IL1RAP: variants seen among roughly 807,000 people sequenced by gnomAD.
The protein encoded by IL1RAP is interleukin-1 receptor accessory protein.
A neutral mutation model predicts 60.7 loss-of-function variants in IL1RAP; 35 were observed. That is an observed-to-expected ratio of 0.58 (90% CI 0.44 to 0.76). The LOEUF (loss-of-function observed/expected upper bound fraction) is 0.76, where lower values mean the gene tolerates loss of function less well. Ranked by LOEUF, IL1RAP falls within the 30% of genes least tolerant of loss-of-function variation. The pLI, the probability that IL1RAP is intolerant of heterozygous loss-of-function variation, is 0.00. For missense variants in IL1RAP, 572 were observed against 693.9 expected, an observed-to-expected ratio of 0.82 and a Z score of 1.97; for synonymous variants, 268 against 250.9, an observed-to-expected ratio of 1.07 and a Z score of -0.64.
At chr3:190,521,081 A>G (rs928044650) in intron 1 of IL1RAP, among the ~76,000 whole-genome samples, 7 of 152,184 alleles carry the variant, frequency 4.6e-5, no homozygotes, top group Non-Finnish European at 7.4e-5. Context: ...GTAAGTGTCA[A>G]TCATATGCCA....
Position 190,648,748 on chromosome 3 carries a change from GAAGA to G in IL1RAP, c.*48_*51del, listed in dbSNP as rs1734217907. The G allele has an allele frequency of 7.1e-6, 11 of 1,554,452 alleles. No homozygotes were observed. The highest frequency in any genetic ancestry group is 9.5e-6 in the Non-Finnish European group (11 of 1,154,184). On this transcript the variant is annotated 3_prime_UTR_variant, in exon 12 of 12. Coordinates refer to ENST00000447382, the MANE Select transcript of IL1RAP (RefSeq NM_002182.4). Reference sequence around the variant, plus strand: ...GTAAAAAGAACAAGGGGTGCTCCAGGAAGAAAGAGTCCCCCCAGTCTTCATTCGC... The same window carrying G: ...GTAAAAAGAACAAGGGGTGCTCCAGGAAGAGTCCCCCCAGTCTTCATTCGC...
intron 1 of IL1RAP, among the ~76,000 whole-genome samples, chr3:190,528,657 CA>C (rs773776842): frequency 8.5e-5 from 13 of 152,126 alleles, no homozygotes; most frequent in Non-Finnish European, 1.5e-4. Context: ...AAAACATACA[CA>C]GGGGTTTATA....
chr3:190,516,490 A>G (rs1042092627), intron 1 of IL1RAP, among the ~76,000 whole-genome samples: 3 of 152,258 alleles, frequency 2.0e-5, no homozygotes, highest in Non-Finnish European at 4.4e-5. Context: ...ACTTGTTACC[A>G]AAACCATATA....
At chr3:190,656,489 C>T (rs1257657739), downstream of IL1RAP, 3 of 1,537,238 alleles carry the variant, frequency 2.0e-6, no homozygotes, top group South Asian at 3.6e-5. Flanking sequence ...CCCCAAGAGT[C>T]AGAAACTCAA....
chr3:190,560,075 A>G (rs996759342), intron 2 of IL1RAP, among the ~76,000 whole-genome samples: 3 of 152,252 alleles, frequency 2.0e-5, no homozygotes, highest in Non-Finnish European at 4.4e-5. Context: ...CTCATGTCTT[A>G]CTAAATGCTA....
chr3:190,539,530 C>A (rs1723753244), intron 1 of IL1RAP, among the ~76,000 whole-genome samples: 2 of 151,996 alleles, frequency 1.3e-5, no homozygotes, highest in South Asian at 4.1e-4. Context: ...CTCCTCTCAT[C>A]TGTACATATT....
intron 9 of IL1RAP, among the ~76,000 whole-genome samples, chr3:190,632,414 G>A (rs956952418): frequency 3.3e-5 from 5 of 152,104 alleles, no homozygotes; most frequent in Non-Finnish European, 5.9e-5. Context: ...TGAAGTATCT[G>A]TTAAAATGTT....
rs1488716866 is a variant in IL1RAP, at chr3:190,649,474, A to T, written c.*769A>T. 1.0e-6 allele frequency: 1 copy of T among 985,654 alleles called. No individual in the cohort carries two copies. Among genetic ancestry groups the T allele is most frequent in the Non-Finnish European group, 1.2e-6 (1 of 829,878 alleles). The allele number at this position is 985,654 out of a possible 1,614,324, so 61.1% of individuals were successfully genotyped here. On this transcript the variant is annotated 3_prime_UTR_variant, in exon 12 of 12. Coordinates refer to ENST00000447382, the MANE Select transcript of IL1RAP (RefSeq NM_002182.4). ...ATCGCATTGCTCATTTAGAGTTTGC[A>T]GGAGGCTCCATACTAGGTTCAGTCT...
rs201706120 is a variant in IL1RAP at position 190,648,379 on chromosome 3, C to T, written c.1387C>T (p.Arg463Cys). 68 of 1,603,514 alleles carry T rather than the reference C, an allele frequency of 4.2e-5. No individual in the cohort carries two copies. Among genetic ancestry groups the T allele is most frequent in the Middle Eastern group, 3.5e-4 (2 of 5,734 alleles). Residue 463 changes from arginine (R) to cysteine (C), a missense_variant, in exon 12 of 12, where the codon CGC becomes TGC. Coordinates refer to ENST00000447382, the MANE Select transcript of IL1RAP (RefSeq NM_002182.4). ...ETLSFIQKSRRLLVVLSPNYV... is the reference protein window; with the variant it reads ...ETLSFIQKSRCLLVVLSPNYV... ...TTTGAGCTTCATTCAGAAAAGCAGA[C>T]GCCTCCTGGTTGTTCTAAGCCCCAA...
chr3:190,629,286 C>A, intron 8 of IL1RAP, 64 bp from the exon 9 acceptor site: 1 of 1,237,258 alleles, frequency 8.1e-7, no homozygotes, highest in Non-Finnish European at 1.1e-6. Flanking sequence ...TTGTCTGATT[C>A]CTACACAGTC....
rs540528043 is a variant in IL1RAP, at chr3:190,630,715, A to G, written c.1051+1217A>G. 4.6e-5 allele frequency among the ~76,000 whole-genome samples: 7 copies of G among 152,330 alleles called. No individual in the cohort carries two copies. The South Asian group carries it at 1.4e-3, about 32-fold the overall frequency. ...TACATGATGTAAGGCAGTTTCCCAA[A>G]TTGAGTTCTCGGGAACACTACTAAG... is the stretch of plus-strand genomic sequence containing the variant. On this transcript the variant is annotated intron_variant, in intron 9 of 11. Coordinates refer to ENST00000447382, the MANE Select transcript of IL1RAP (RefSeq NM_002182.4).
At chr3:190,646,409 C>T (rs1379125973) in intron 11 of IL1RAP, among the ~76,000 whole-genome samples, 1 of 152,000 alleles carries the variant, frequency 6.6e-6, no homozygotes, top group Non-Finnish European at 1.5e-5. Context: ...TACTCAAATT[C>T]CCCTTTTCCT....
intron 3 of IL1RAP, among the ~76,000 whole-genome samples, chr3:190,588,696 T>C (rs1728682360): frequency 6.6e-6 from 1 of 152,250 alleles, no homozygotes; most frequent in South Asian, 2.1e-4. Context: ...TTTGTTTTCT[T>C]CACATATGAA....
intron 1 of IL1RAP, among the ~76,000 whole-genome samples, chr3:190,522,048 T>C (rs181186021): frequency 2.6e-5 from 4 of 152,266 alleles, no homozygotes; most frequent in East Asian, 1.9e-4. Flanking sequence ...ATAGAAATGA[T>C]GGAGACTTGA....
intron 7 of IL1RAP, among the ~76,000 whole-genome samples, chr3:190,623,629 T>G (rs1244474255): frequency 6.6e-6 from 1 of 152,222 alleles, no homozygotes. Context: ...CGGTATCTGC[T>G]CCCTTCTCCC....
Position 190,651,247 on chromosome 3 carries a change from A to G in IL1RAP, c.*2542A>G. On this transcript the variant is annotated 3_prime_UTR_variant, in exon 12 of 12. Coordinates refer to ENST00000447382, the MANE Select transcript of IL1RAP (RefSeq NM_002182.4). ...AGGTTAACAAAGAACTGTGATATAT[A>G]GAGTGTCTAATTACAAAATCATATA... 1.0e-6 allele frequency: 1 copy of G among 974,010 alleles called. No individual in the cohort carries two copies. The highest frequency in any genetic ancestry group is 1.2e-6 in the Non-Finnish European group (1 of 819,580). The allele number at this position is 974,010 out of a possible 1,614,324, so 60.3% of individuals were successfully genotyped here.
intron 9 of IL1RAP, among the ~76,000 whole-genome samples, chr3:190,641,245 G>A (rs796296458): frequency 3.9e-5 from 6 of 152,338 alleles, no homozygotes; most frequent in South Asian, 2.1e-4. Context: ...GGTTACAGGC[G>A]TGAGCCACTG....
intron 1 of IL1RAP, among the ~76,000 whole-genome samples, chr3:190,527,826 TACACAC>T (rs10602405): frequency 0.18 from 25,717 of 139,512 alleles, 2,406 homozygotes; most frequent in Middle Eastern, 0.36. Flanking sequence ...AGGAAAGGTC[TACACAC>T]ACACACACAC....
chr3:190,567,541 G>A (rs1052142721), intron 3 of IL1RAP, among the ~76,000 whole-genome samples: 1 of 152,142 alleles, frequency 6.6e-6, no homozygotes, highest in Non-Finnish European at 1.5e-5. Context: ...TAGCATGCTT[G>A]TGACTTCAAC....
Sources: allele counts gnomAD v4.1 joint callset (sites outside exome capture counted in the v4.1 genomes callset), GRCh38; gene constraint gnomAD v4.1.1; transcripts MANE v1.5; gene names NCBI Gene and HGNC (gene_info 2026-07-23, HGNC 2026-07-21).